Variants in PLOD1 observed in about 807,000 individuals in gnomAD.
The protein encoded by PLOD1 is procollagen-lysine,2-oxoglutarate 5-dioxygenase 1, also known as lysine hydroxylase.
A neutral mutation model predicts 94.7 loss-of-function variants in PLOD1; 70 were observed. The ratio of observed to expected loss-of-function variants is 0.74; its 90% CI spans 0.61 to 0.90. The LOEUF is 0.90. Among genes scored for constraint, PLOD1 ranks in the 40% least tolerant of loss-of-function variants. The pLI is 0.00. For missense variants in PLOD1, 905 were observed against 972.7 expected (o/e 0.93, Z 0.93); for synonymous variants, 417 against 400.2 (o/e 1.04, Z -0.50).
At chr1:11,946,218 C>T (rs1312732175) in intron 1 of PLOD1, among the ~76,000 whole-genome samples, 1 of 152,192 alleles carries the variant, frequency 6.6e-6, no homozygotes, top group Admixed American at 6.5e-5. Flanking sequence ...GGCAGGCTAG[C>T]TCCAGACTCC....
intron 14 of PLOD1, 112 bp downstream of exon 14, chr1:11,965,705 C>G: frequency 1.4e-6 from 1 of 690,576 alleles, no homozygotes; most frequent in Non-Finnish European, 2.6e-6. Flanking sequence ...TGTAGGCCAC[C>G]TGCCACCCTC....
chr1:11,973,606 G>T (rs951077088), intron 18 of PLOD1, among the ~76,000 whole-genome samples: 1 of 151,034 alleles, frequency 6.6e-6, no homozygotes. Flanking sequence ...TCGAGACAGG[G>T]TCTTGCTCTG....
chr1:11,960,676 T>G lies in PLOD1; in HGVS notation c.1006T>G (p.Phe336Val). The G allele has an allele frequency of 3.1e-6, 5 of 1,611,288 alleles. No homozygotes were observed. Among genetic ancestry groups the G allele is most frequent in the Non-Finnish European group, 4.2e-6 (5 of 1,179,556 alleles). Residue 336 changes from phenylalanine to valine, a missense_variant, in exon 10 of 19, where the codon TTC becomes GTC. Physicochemically the swap from Phe to Val is conservative, Grantham distance 50 (BLOSUM62 -1). Transcript: ENST00000196061. The part of the protein sequence containing the change: ...EQHHKAQVEE[F>V]LAQHGSEYQS... ...GCACCACAAGGCTCAGGTGGAAGAG[T>G]TCCTGGCACAGCATGGCAGCGAGTA... is the stretch of plus-strand genomic sequence containing the variant.
chr1:11,972,726 C>CAGAGCCTGCATG lies in PLOD1; in HGVS notation c.1903-146_1903-145insAGAGCCTGCATG. ...TTTCTGTGCCAGGTAGTTGCAGGCA[C>CAGAGCCTGCATG]TCGAGCATAGAGCCCCATGTAGACC... On this transcript the variant is annotated intron_variant, in intron 17 of 18. Transcript: ENST00000196061. The surrounding 1 kb of genome is among the most constrained non-coding windows in gnomAD (Gnocchi z 4.6). The CAGAGCCTGCATG allele has an allele frequency of 3.7e-6, 3 of 805,238 alleles. No individual in the cohort carries two copies. The highest frequency in any genetic ancestry group is 6.5e-6 in the Non-Finnish European group (3 of 464,672). The allele number at this position is 805,238 out of a possible 1,614,324, so 49.9% of individuals were successfully genotyped here. A position where few individuals can be genotyped will look rare whatever the true frequency, so the allele number is the denominator to read the frequency against.
chr1:11,938,880 C>T (rs1041136431), intron 1 of PLOD1, among the ~76,000 whole-genome samples: 4 of 152,084 alleles, frequency 2.6e-5, no homozygotes, highest in African/African-American at 7.2e-5. Flanking sequence ...AGAGATGTTG[C>T]GCCATCCTGG....
chr1:11,939,357 G>A (rs1645600517), intron 1 of PLOD1, among the ~76,000 whole-genome samples: 1 of 152,096 alleles, frequency 6.6e-6, no homozygotes, highest in Non-Finnish European at 1.5e-5. Flanking sequence ...GGGGATGAAG[G>A]ATGGGGGAGG....
chr1:11,974,493 AT>A (rs1454402027), intron 18 of PLOD1, among the ~76,000 whole-genome samples, 159 bp from the exon 19 acceptor site: 16 of 152,200 alleles, frequency 1.1e-4, no homozygotes, highest in African/African-American at 3.6e-4. Context: ...ACTACTCTTC[AT>A]TTAGTGTCTT....
intron 16 of PLOD1, among the ~76,000 whole-genome samples, chr1:11,969,044 A>G (rs1356622383): frequency 4.8e-5 from 5 of 104,844 alleles, no homozygotes; most frequent in African/African-American, 1.3e-4. Context: ...TTTTTTTTTG[A>G]GACGGAGTTT....
intron 1 of PLOD1, among the ~76,000 whole-genome samples, chr1:11,939,172 G>T (rs1402428826): frequency 1.3e-5 from 2 of 152,090 alleles, no homozygotes; most frequent in African/African-American, 2.4e-5. Flanking sequence ...CCCTACTAGA[G>T]AACAGAAGGG....
intron 10 of PLOD1, among the ~76,000 whole-genome samples, chr1:11,961,084 TTA>T (rs1416733073): frequency 6.6e-6 from 1 of 151,034 alleles, no homozygotes; most frequent in African/African-American, 2.5e-5. Context: ...TTTTACTTTA[TTA>T]TATATAAAAA....
At chr1:11,952,570 T>TA in intron 4 of PLOD1, 53 bp from the exon 5 acceptor site, 1 of 1,325,810 alleles carries the variant, frequency 7.5e-7, no homozygotes, top group South Asian at 1.2e-5. Context: ...GCCCCTGACT[T>TA]AGAGGCTGGA....
In PLOD1 at chr1:11,956,914, C is replaced by T. The variant is rs772128366; in HGVS notation, c.644-3C>T. 1 of 1,607,606 alleles carries T rather than the reference C, an allele frequency of 6.2e-7. No homozygotes were observed. Among genetic ancestry groups the T allele is most frequent in the Non-Finnish European group, 8.5e-7 (1 of 1,174,074 alleles). On this transcript the variant is annotated splice_polypyrimidine_tract_variant and splice_region_variant and intron_variant, in intron 6 of 18. Transcript: ENST00000196061. Reference sequence around the variant, plus strand: ...GGGTGGGACTGTGCTTTCTGACCCCCAGATGAGGTCGTGCTCAAGTTTGAA... The same window carrying T: ...GGGTGGGACTGTGCTTTCTGACCCCTAGATGAGGTCGTGCTCAAGTTTGAA...
rs199910138 is a variant in PLOD1 at position 11,946,562 on chromosome 1, T to G, written c.77-1414T>G. 2.6e-5 allele frequency among the ~76,000 whole-genome samples: 4 copies of G among 152,262 alleles called. No homozygotes were observed. In the East Asian group the frequency reaches 7.7e-4, roughly 29 times the overall value. Reference sequence around the variant, plus strand: ...AGCAATGTCTGTCCTGGGTTAGGTATGGAGAGCAGGGACCTGTGAGCCATG... The same window carrying G: ...AGCAATGTCTGTCCTGGGTTAGGTAGGGAGAGCAGGGACCTGTGAGCCATG... On this transcript the variant is annotated intron_variant, in intron 1 of 18. Transcript: ENST00000196061.
Position 11,970,665 on chromosome 1 carries a change from T to G in PLOD1, c.1756-5T>G. 2 of 1,612,908 alleles carry G rather than the reference T, an allele frequency of 1.2e-6. No homozygotes were observed. The highest frequency in any genetic ancestry group is 1.7e-6 in the Non-Finnish European group (2 of 1,179,798). The stretch of plus-strand genomic sequence containing the variant: ...TGCCTAAACATTCACCTCGGTCACC[T>G]CCAGGACAACCGCATCCAGGGTGGC... On this transcript the variant is annotated splice_polypyrimidine_tract_variant and splice_region_variant and intron_variant, in intron 16 of 18. Transcript: ENST00000196061.
intron 13 of PLOD1, 147 bp downstream of exon 13, chr1:11,964,932 A>T: frequency 1.1e-6 from 1 of 870,064 alleles, no homozygotes; most frequent in Non-Finnish European, 1.8e-6. Context: ...GGAAGCCACC[A>T]GGGCCTGCTG....
In PLOD1 at chr1:11,964,313, A is replaced by AG; in HGVS notation, c.1328+16dup. 3.2e-5 allele frequency: 9 copies of AG among 283,448 alleles called. No homozygotes were observed. The Admixed American group carries it at 3.5e-4, about 11-fold the overall frequency. 17.6% of individuals were successfully genotyped at this position (283,448 alleles called of 1,614,324 possible). On this transcript the variant is annotated intron_variant, in intron 12 of 18. Coordinates refer to ENST00000196061, the MANE Select transcript of PLOD1 (RefSeq NM_000302.4). ...AGGGGCGGCGTGTGTGAGTACCTGC[A>AG]GGGTGGGGGTGGGTGGGGGACACCT...
rs143114026 is a variant in PLOD1 at position 11,958,546 on chromosome 1, G to A, written c.874G>A (p.Val292Met). 1.1e-5 allele frequency: 18 copies of A among 1,613,752 alleles called. No individual in the cohort carries two copies. Among genetic ancestry groups the A allele is most frequent in the Admixed American group, 3.3e-5 (2 of 59,946 alleles). ...DEALPTVLVG[V>M]FIEQPTPFVS... ...AGCTCTGCCCACGGTCCTGGTCGGC[G>A]TGTTCATCGAACAGCCCACGCCGTT... Residue 292 changes from valine (V) to methionine (M), a missense_variant, in exon 9 of 19, where the codon GTG (valine) becomes ATG (methionine). By Grantham distance (21) the Val-to-Met change is conservative (BLOSUM62 1). Coordinates refer to ENST00000196061, the MANE Select transcript of PLOD1 (RefSeq NM_000302.4). The surrounding 1 kb of genome is among the most constrained non-coding windows in gnomAD (Gnocchi z 4.3).
At chr1:11,940,520 T>C (rs910703054) in intron 1 of PLOD1, among the ~76,000 whole-genome samples, 2 of 152,228 alleles carry the variant, frequency 1.3e-5, no homozygotes, top group African/African-American at 4.8e-5. Context: ...GGAGGTACTA[T>C]CATCTGTATT....
chr1:11,935,931 C>T (rs750529080), intron 1 of PLOD1, among the ~76,000 whole-genome samples: 1 of 150,740 alleles, frequency 6.6e-6, no homozygotes, highest in Non-Finnish European at 1.5e-5. Flanking sequence ...CCGGTTCAAG[C>T]GACTCCTGTA....
Sources: gnomAD v4.1 joint callset for allele counts (sites outside exome capture counted in the v4.1 genomes callset) on GRCh38, gnomAD v4.1.1 for gene constraint, Gnocchi (gnomAD v3.1) non-coding constraint, MANE v1.5 for transcripts, NCBI Gene and HGNC (gene_info 2026-07-23, HGNC 2026-07-21) for gene names.